CNTRL: variants seen among roughly 807,000 people sequenced by gnomAD.
CNTRL encodes the protein centriolin, also known as 110 kDa centrosomal protein.
Under a neutral mutation model 303.7 loss-of-function variants are expected in CNTRL, and 233 were observed. That is an observed-to-expected ratio of 0.77 (90% CI 0.69 to 0.86). The LOEUF (loss-of-function observed/expected upper bound fraction) is 0.86, where lower values mean the gene tolerates loss of function less well. Ranked by LOEUF, CNTRL falls within the 40% of genes least tolerant of loss-of-function variation. CNTRL has a pLI of 0.00. For missense variants in CNTRL, 2,524 were observed against 2,650.6 expected (o/e 0.95, Z 1.05); for synonymous variants, 900 against 922.2 (o/e 0.98, Z 0.44).
chr9:121,142,148 C>A lies in CNTRL; in HGVS notation c.2749C>A (p.His917Asn). The change falls in exon 19 of 44, where the codon CAC (histidine) becomes AAC (asparagine). Residue 917 changes from histidine (H) to asparagine (N), a missense_variant. Transcript: ENST00000373855. ...AATCCAGCAAATGGAGAATGAAATT[C>A]ACTATTTGCAAGAAAATCTAAAAAG... ...ARIQQMENEIHYLQENLKSME... is the reference protein window; with the variant it reads ...ARIQQMENEINYLQENLKSME... 6.2e-7 allele frequency: 1 copy of A among 1,610,442 alleles called. No homozygotes were observed.
chr9:121,150,340 C>G lies in CNTRL; in HGVS notation c.3820C>G (p.Arg1274Gly). 1 of 1,614,172 alleles carries G rather than the reference C, an allele frequency of 6.2e-7. No homozygotes were observed. Among genetic ancestry groups the G allele is most frequent in the South Asian group, 1.1e-5 (1 of 91,082 alleles). ...APPPPLPNNS[R>G]PLTPGTVVYG... is the part of the protein sequence containing the mutation. ...ACCTCCTCCCTTGCCAAACAATAGC[C>G]GACCTCTCACCCCTGGCACTGTTGT... is the stretch of plus-strand genomic sequence containing the variant. The change falls in exon 25 of 44, where the codon CGA becomes GGA. Residue 1274 changes from arginine to glycine, a missense_variant. Coordinates refer to ENST00000373855, the MANE Select transcript of CNTRL (RefSeq NM_007018.6).
chr9:121,133,738 C>T (rs537700884), intron 14 of CNTRL, among the ~76,000 whole-genome samples: 1 of 152,354 alleles, frequency 6.6e-6, no homozygotes, highest in African/African-American at 2.4e-5. Context: ...CTGCGTCGAT[C>T]ACGCTGGGAG....
At position 121,173,687 on chromosome 9, in the gene CNTRL, CG is replaced by C; in HGVS notation, c.6698del (p.Arg2233LeufsTer31). On this transcript the variant is annotated frameshift_variant, in exon 42 of 44. Transcript: ENST00000373855. LOFTEE classifies it high-confidence loss of function. ...SQVHIMDEHW[R>X]GEALREKLRH... Reference sequence around the variant, plus strand: ...CCCTCTGAGAAAGGATGAACACTGGCGTGGAGAAGCACTCCGGGAGAAACTG... The same window carrying C: ...CCCTCTGAGAAAGGATGAACACTGGCTGGAGAAGCACTCCGGGAGAAACTG... 6.2e-7 allele frequency: 1 copy of C among 1,614,046 alleles called. No individual in the cohort carries two copies. The highest frequency in any genetic ancestry group is 8.5e-7 in the Non-Finnish European group (1 of 1,179,948).
rs1330466685 is a variant in CNTRL at position 121,165,055 on chromosome 9, T to C, written c.5536T>C (p.Leu1846=). The part of the protein sequence containing the change: ...QELDQLNRDK[L]SLHNDISAMQ... ...ACTAGACCAACTAAACAGAGACAAG[T>C]TGTCACTGCATAACGACATTTCAGC... Residue 1846 remains leucine (L), a synonymous_variant, in exon 35 of 44, where the codon TTG becomes CTG. Transcript: ENST00000373855. 2.5e-6 allele frequency: 4 copies of C among 1,605,946 alleles called. No individual in the cohort carries two copies. In the African/African-American group the frequency reaches 4.0e-5, roughly 16 times the overall value.
intron 13 of CNTRL, 87 bp downstream of exon 13, chr9:121,124,171 G>C (rs553967613): frequency 3.5e-5 from 40 of 1,155,606 alleles, no homozygotes; most frequent in Non-Finnish European, 4.6e-5. Flanking sequence ...CCAGATAGTA[G>C]CTAAATACAG....
At chr9:121,176,631 T>C (rs1444983125) in intron 43 of CNTRL, among the ~76,000 whole-genome samples, 3 of 152,170 alleles carry the variant, frequency 2.0e-5, no homozygotes, top group African/African-American at 7.2e-5. Flanking sequence ...GCCAGAGTTA[T>C]TTAGTTGCTT....
chr9:121,132,739 TCTG>T (rs2050940474), intron 14 of CNTRL, among the ~76,000 whole-genome samples: 1 of 152,232 alleles, frequency 6.6e-6, no homozygotes, highest in African/African-American at 2.4e-5. Flanking sequence ...TTTCAGCTTT[TCTG>T]CTGTGGTTTC....
intron 20 of CNTRL, among the ~76,000 whole-genome samples, 188 bp from the exon 21 acceptor site, chr9:121,144,654 TG>T (rs2051728837): frequency 1.3e-5 from 2 of 152,266 alleles, no homozygotes; most frequent in South Asian, 4.1e-4. Flanking sequence ...TGCCGCACCT[TG>T]GGGTTGGGAG....
chr9:121,115,582 A>T (rs1277714154), intron 11 of CNTRL, among the ~76,000 whole-genome samples: 1 of 148,766 alleles, frequency 6.7e-6, no homozygotes, highest in African/African-American at 2.5e-5. Flanking sequence ...ACACAAGCCA[A>T]AAAAAAAAAG....
intron 34 of CNTRL, among the ~76,000 whole-genome samples, chr9:121,164,293 G>A (rs2052995983): frequency 6.6e-6 from 1 of 152,054 alleles, no homozygotes. Flanking sequence ...TCCACTCCTA[G>A]GTATTATATT....
intron 14 of CNTRL, among the ~76,000 whole-genome samples, chr9:121,129,578 A>C (rs1253579212): frequency 6.6e-6 from 1 of 152,210 alleles, no homozygotes; most frequent in African/African-American, 2.4e-5. Flanking sequence ...TGTCATCTGC[A>C]AACTGAGACA....
chr9:121,160,385 C>A, intron 32 of CNTRL, 83 bp downstream of exon 32: 5 of 1,028,510 alleles, frequency 4.9e-6, no homozygotes, highest in Admixed American at 3.1e-5. Context: ...AACAAATGGC[C>A]AAAAAAACTT....
rs1202768383 is a variant in CNTRL, at chr9:121,092,725, ATATATATAATATATATC to A, written c.349-2137_349-2121del. ...ATCTATATATATAATATATATCTAT[ATATATATAATATATATC>A]TATATATAATATATATCTATATATA... On this transcript the variant is annotated intron_variant, in intron 4 of 43. Coordinates refer to ENST00000373855, the MANE Select transcript of CNTRL (RefSeq NM_007018.6). 5.5e-4 allele frequency among the ~76,000 whole-genome samples: 23 copies of A among 42,198 alleles called. 5 individuals are homozygous for A. Among genetic ancestry groups the A allele is most frequent in the African/African-American group, 1.1e-3 (14 of 12,894 alleles). The allele number at this position is 42,198 out of a possible 152,430, so 27.7% of individuals were successfully genotyped here.
chr9:121,135,745 C>T (rs2051152360), intron 14 of CNTRL, 61 bp from the exon 15 acceptor site: 2 of 1,460,250 alleles, frequency 1.4e-6, no homozygotes, highest in Admixed American at 2.2e-5. Context: ...CTTATAATGC[C>T]TTGCAAATGC....
chr9:121,150,431 C>T lies in CNTRL; in HGVS notation c.3911C>T (p.Pro1304Leu). The T allele has an allele frequency of 6.2e-7, 1 of 1,614,180 alleles. No individual in the cohort carries two copies. Among genetic ancestry groups the T allele is most frequent in the Non-Finnish European group, 8.5e-7 (1 of 1,180,042 alleles). The change falls in exon 25 of 44, where the codon CCC (proline) becomes CTC (leucine). Residue 1304 changes from proline to leucine, a missense_variant. Coordinates refer to ENST00000373855, the MANE Select transcript of CNTRL (RefSeq NM_007018.6). ...CCTCCACCCCCCAACTTCTCCATCC[C>T]CTTCATCCCTATGGGTGTGCTGCAT... ...YGPPPPNFSIPFIPMGVLHCN... is the reference protein window; with the variant it reads ...YGPPPPNFSILFIPMGVLHCN...
intron 2 of CNTRL, among the ~76,000 whole-genome samples, chr9:121,082,092 T>G (rs867502073): frequency 6.6e-6 from 1 of 152,222 alleles, no homozygotes; most frequent in African/African-American, 2.4e-5. Context: ...AGAGAAATTA[T>G]CAACACATTA....
rs1474397939 is a variant in CNTRL, at chr9:121,118,301, G to A, written c.1456-45G>A. Reference sequence around the variant, plus strand: ...ATAGACATTGTCTTAATAAATCAGTGTTGTTCTTCTCTGTTAATTATATAT... The same window carrying A: ...ATAGACATTGTCTTAATAAATCAGTATTGTTCTTCTCTGTTAATTATATAT... On this transcript the variant is annotated intron_variant, in intron 11 of 43. Coordinates refer to ENST00000373855, the MANE Select transcript of CNTRL (RefSeq NM_007018.6). The A allele has an allele frequency of 2.2e-6, 3 of 1,362,902 alleles. No individual in the cohort carries two copies. The African/African-American group carries it at 4.3e-5, about 20-fold the overall frequency. 84.4% of individuals were successfully genotyped at this position (1,362,902 alleles called of 1,614,324 possible). A position where few individuals can be genotyped will look rare whatever the true frequency, so the allele number is the denominator to read the frequency against.
At chr9:121,084,215 C>T (rs2048257947) in intron 2 of CNTRL, among the ~76,000 whole-genome samples, 1 of 151,874 alleles carries the variant, frequency 6.6e-6, no homozygotes, top group Admixed American at 6.6e-5. Flanking sequence ...TATTTTTTGT[C>T]CAAAAGTTTG....
intron 15 of CNTRL, 127 bp from the exon 16 acceptor site, chr9:121,138,418 C>T (rs571119074): frequency 2.1e-6 from 2 of 942,494 alleles, no homozygotes. Flanking sequence ...GGAGTACAAA[C>T]ATAAAATTGA....
Sources: gnomAD v4.1 joint callset for allele counts (sites outside exome capture counted in the v4.1 genomes callset) on GRCh38, gnomAD v4.1.1 for gene constraint, MANE v1.5 for transcripts, NCBI Gene and HGNC (gene_info 2026-07-23, HGNC 2026-07-21) for gene names.